The following RGS6 variants were observed in gnomAD, a reference collection of about 807,000 sequenced individuals.
RGS6 encodes the protein regulator of G protein signaling 6.
RGS6 carries 30 observed loss-of-function variants against 78.5 expected under a neutral mutation model. That is an observed-to-expected ratio of 0.38 (90% CI 0.29 to 0.52). The LOEUF (loss-of-function observed/expected upper bound fraction) is 0.52. RGS6 is among the 20% of genes least tolerant of loss of function. The pLI is 0.85. For missense variants in RGS6, 495 were observed against 609.7 expected (o/e 0.81, Z 1.98); for synonymous variants, 206 against 206.0 (o/e 1.00, Z 0.00).
At chr14:71,998,724 G>A (rs532408948) in intron 2 of RGS6, among the ~76,000 whole-genome samples, 32 of 152,328 alleles carry the variant, frequency 2.1e-4, no homozygotes, top group African/African-American at 7.7e-4. Flanking sequence ...TCTAGATGCA[G>A]AGAAGTCTGG....
At chr14:72,623,514 T>C in the RGS6 span, among the ~76,000 whole-genome samples, 1 of 152,312 alleles carries the variant, frequency 6.6e-6, no homozygotes, top group South Asian at 2.1e-4. Context: ...TGTTCAGCAA[T>C]TATATTATTG....
intron 1 of RGS6, among the ~76,000 whole-genome samples, chr14:71,948,407 C>A (rs950542417): frequency 6.6e-6 from 1 of 152,200 alleles, no homozygotes; most frequent in Non-Finnish European, 1.5e-5. Flanking sequence ...ATAACCCTGC[C>A]ATGATGTCAT....
At chr14:72,026,898 G>A (rs1034245593) in intron 2 of RGS6, among the ~76,000 whole-genome samples, 1 of 152,112 alleles carries the variant, frequency 6.6e-6, no homozygotes, top group Non-Finnish European at 1.5e-5. Flanking sequence ...GCAGGTGCTA[G>A]GGGGGGCTAC....
At chr14:72,127,657 C>A (rs551959107) in intron 2 of RGS6, among the ~76,000 whole-genome samples, 1 of 152,170 alleles carries the variant, frequency 6.6e-6, no homozygotes, top group African/African-American at 2.4e-5. Flanking sequence ...CTTGCAGTTG[C>A]AAGAAATAAC....
chr14:71,896,720 T>G, the RGS6 span, among the ~76,000 whole-genome samples: 1 of 152,184 alleles, frequency 6.6e-6, no homozygotes, highest in Non-Finnish European at 1.5e-5. Flanking sequence ...GCTTATGCAA[T>G]TCATCAGGAA....
At chr14:72,480,847 C>T (rs889165226) in intron 12 of RGS6, among the ~76,000 whole-genome samples, 3 of 152,152 alleles carry the variant, frequency 2.0e-5, no homozygotes, top group Non-Finnish European at 4.4e-5. Context: ...CCCAGGAAAC[C>T]GCATCCCCCA....
chr14:72,200,544 C>CAG (rs1252643496), intron 2 of RGS6, among the ~76,000 whole-genome samples: 3 of 152,180 alleles, frequency 2.0e-5, no homozygotes, highest in Non-Finnish European at 4.4e-5. Context: ...TTGACCAACT[C>CAG]AGAGGAGTGG....
intron 2 of RGS6, among the ~76,000 whole-genome samples, chr14:72,188,257 A>G (rs1383518977): frequency 1.3e-5 from 2 of 152,006 alleles, no homozygotes; most frequent in African/African-American, 4.8e-5. Flanking sequence ...ATGTTAAACA[A>G]AGTTATGTAT....
chr14:72,238,710 G>C (rs2051871949), intron 2 of RGS6, among the ~76,000 whole-genome samples: 1 of 152,150 alleles, frequency 6.6e-6, no homozygotes, highest in African/African-American at 2.4e-5. Flanking sequence ...GGCAATCAGA[G>C]AAGTCAGCCA....
intron 17 of RGS6, among the ~76,000 whole-genome samples, chr14:72,548,342 T>TGTGTGTGTGTGCGCGCGC (rs796698263): frequency 1.5e-4 from 20 of 134,744 alleles, no homozygotes; most frequent in East Asian, 1.0e-3. Context: ...TGTGTGTGTG[T>TGTGTGTGTGTGCGCGCGC]GCGCGCGTGT....
rs191433308 is a variant in RGS6 at position 72,357,307 on chromosome 14, G to A, written c.184+5113G>A. ...AAATATGGAAGTGACTTTGGAACATGGGTGACAGGCAGAGGAAGGAACAGT... is the reference window on the plus strand; with the variant it reads ...AAATATGGAAGTGACTTTGGAACATAGGTGACAGGCAGAGGAAGGAACAGT... On this transcript the variant is annotated intron_variant, in intron 3 of 17. Coordinates refer to ENST00000553525, the MANE Select transcript of RGS6 (RefSeq NM_001204424.2). 1.7e-4 allele frequency among the ~76,000 whole-genome samples: 26 copies of A among 152,172 alleles called. No homozygotes were observed. The East Asian group carries it at 3.9e-3, about 23-fold the overall frequency.
At chr14:72,353,948 C>A (rs767018639) in intron 3 of RGS6, among the ~76,000 whole-genome samples, 1 of 151,792 alleles carries the variant, frequency 6.6e-6, no homozygotes, top group African/African-American at 2.4e-5. Flanking sequence ...CGTGCCACTG[C>A]ACTCCAGCCT....
At chr14:72,403,927 A>C (rs1235634216) in intron 3 of RGS6, among the ~76,000 whole-genome samples, 1 of 152,208 alleles carries the variant, frequency 6.6e-6, no homozygotes, top group Non-Finnish European at 1.5e-5. Flanking sequence ...ACCTGTAATA[A>C]AGTTACTGAA....
intron 3 of RGS6, among the ~76,000 whole-genome samples, chr14:72,442,789 T>A (rs2095252420): frequency 6.6e-6 from 1 of 152,184 alleles, no homozygotes; most frequent in Non-Finnish European, 1.5e-5. Context: ...CCAAGCCGTG[T>A]GCCTCCTGGC....
Position 72,465,740 on chromosome 14 carries a change from T to C in RGS6, c.395-18T>C. The C allele has an allele frequency of 6.2e-7, 1 of 1,604,600 alleles. No individual in the cohort carries two copies. Among genetic ancestry groups the C allele is most frequent in the Non-Finnish European group, 8.5e-7 (1 of 1,171,408 alleles). ...GCTGCTGGTTTTGTACATGTTGTCA[T>C]TTCCTTTCTTCCCTCAGCCATCTAT... On this transcript the variant is annotated intron_variant, in intron 6 of 17. Transcript: ENST00000553525.
chr14:72,278,285 A>T (rs1454544464), intron 2 of RGS6, among the ~76,000 whole-genome samples: 1 of 152,226 alleles, frequency 6.6e-6, no homozygotes, highest in African/African-American at 2.4e-5. Flanking sequence ...TTTGGTTTTG[A>T]TAGAAAAAGA....
chr14:72,202,117 G>A (rs754332550), intron 2 of RGS6, among the ~76,000 whole-genome samples: 14 of 152,160 alleles, frequency 9.2e-5, no homozygotes, highest in South Asian at 2.1e-4. Flanking sequence ...TGGTTAGCTA[G>A]CTAAGAAATA....
chr14:72,176,824 C>G (rs774652049), intron 2 of RGS6, among the ~76,000 whole-genome samples: 1 of 152,310 alleles, frequency 6.6e-6, no homozygotes, highest in Middle Eastern at 3.4e-3. Flanking sequence ...TGCACACACA[C>G]GCTCGCCCAT....
chr14:72,077,364 T>C (rs934338144), intron 2 of RGS6, among the ~76,000 whole-genome samples: 2 of 152,176 alleles, frequency 1.3e-5, no homozygotes, highest in Non-Finnish European at 2.9e-5. Flanking sequence ...GTACAAATAT[T>C]CTCTCATGTT....
Sources: allele counts gnomAD v4.1 joint callset (sites outside exome capture counted in the v4.1 genomes callset), GRCh38; gene constraint gnomAD v4.1.1; transcripts MANE v1.5; gene names NCBI Gene and HGNC (gene_info 2026-07-23, HGNC 2026-07-21).